GXYLT2: variants seen among roughly 807,000 people sequenced by gnomAD.
GXYLT2 encodes the protein glycosyltransferase 8 domain containing 4.
GXYLT2 carries 53 observed loss-of-function variants against 45.8 expected under a neutral mutation model. The ratio of observed to expected loss-of-function variants is 1.16; its 90% CI spans 0.93 to 1.46. GXYLT2 has a LOEUF of 1.46. Ranked by LOEUF, GXYLT2 falls within the 40% of genes most tolerant of loss-of-function variation. The pLI, the probability that GXYLT2 is intolerant of heterozygous loss-of-function variation, is 0.00. For synonymous variants in GXYLT2, 219 were observed against 214.2 expected (o/e 1.02, Z -0.19); for missense variants, 551 against 544.4 (o/e 1.01, Z -0.12).
intron 2 of GXYLT2, among the ~76,000 whole-genome samples, chr3:72,911,156 G>C (rs1234278908): frequency 1.3e-5 from 2 of 152,182 alleles, no homozygotes; most frequent in Non-Finnish European, 2.9e-5. Context: ...GCTGGGTGTA[G>C]TGGAGTGCGC....
At chr3:72,940,226 C>T (rs986073781) in intron 3 of GXYLT2, among the ~76,000 whole-genome samples, 1 of 152,138 alleles carries the variant, frequency 6.6e-6, no homozygotes, top group Non-Finnish European at 1.5e-5. Flanking sequence ...TTTACACATA[C>T]AACCATTTAT....
At chr3:72,938,089 C>T (rs576112792) in intron 3 of GXYLT2, among the ~76,000 whole-genome samples, 2 of 152,198 alleles carry the variant, frequency 1.3e-5, no homozygotes, top group African/African-American at 4.8e-5. Context: ...GAGATCCTCT[C>T]TACAAAAATT....
At chr3:72,907,849 C>A (rs1575781447) in intron 1 of GXYLT2, among the ~76,000 whole-genome samples, 2 of 152,256 alleles carry the variant, frequency 1.3e-5, no homozygotes, top group Middle Eastern at 3.4e-3. Flanking sequence ...TTGCTCACCT[C>A]CCAGACTTGC....
At position 72,908,474 on chromosome 3, in the gene GXYLT2, T is replaced by C. The variant is rs565928609; in HGVS notation, c.383T>C (p.Leu128Pro). The change falls in exon 2 of 7, where the codon CTC becomes CCC. Residue 128 changes from leucine (L) to proline (P), a missense_variant. Leu to Pro is a moderately conservative substitution (Grantham distance 98). Coordinates refer to ENST00000389617, the MANE Select transcript of GXYLT2 (RefSeq NM_001080393.2). ...GNRLEETLVM[L>P]KSAVLFSHRK... The stretch of plus-strand genomic sequence containing the variant: ...CGGCTGGAGGAGACGCTGGTCATGC[T>C]CAAATCAGCTGTGCTTTTTAGCCAC... 1.2e-6 allele frequency: 2 copies of C among 1,613,966 alleles called. No individual in the cohort carries two copies. The highest frequency in any genetic ancestry group is 1.1e-5 in the South Asian group (1 of 91,084).
At chr3:72,922,398 G>T in intron 3 of GXYLT2, 63 bp downstream of exon 3, 1 of 1,515,032 alleles carries the variant, frequency 6.6e-7, no homozygotes, top group South Asian at 1.2e-5. Context: ...AATTAGCTGA[G>T]ATGTGTGTAG....
At chr3:72,908,275 T>TTGAAATGTTC in intron 1 of GXYLT2, 92 bp from the exon 2 acceptor site, 1 of 820,478 alleles carries the variant, frequency 1.2e-6, no homozygotes, top group Non-Finnish European at 1.9e-6. Flanking sequence ...TGATCATGTT[T>TTGAAATGTTC]TGAAATGTTC....
chr3:72,958,450 CAT>C (rs776672300), intron 5 of GXYLT2, among the ~76,000 whole-genome samples: 1 of 151,830 alleles, frequency 6.6e-6, no homozygotes, highest in Non-Finnish European at 1.5e-5. Context: ...CCTTGGAACA[CAT>C]ATTGTGTACC....
Position 72,939,401 on chromosome 3 carries a change from C to T in GXYLT2, c.601-15697C>T, listed in dbSNP as rs184351710. On this transcript the variant is annotated intron_variant, in intron 3 of 6. Coordinates refer to ENST00000389617, the MANE Select transcript of GXYLT2 (RefSeq NM_001080393.2). ...AGTGAGCCGAGATCACACCACTGCA[C>T]TCCAGCCTGGGTGACAGAGCAAGAC... is the stretch of plus-strand genomic sequence containing the variant. Among the ~76,000 whole-genome samples the T allele has an allele frequency of 7.9e-5, 12 of 152,172 alleles. No individual in the cohort carries two copies. The East Asian group carries it at 1.7e-3, about 22-fold the overall frequency.
At chr3:72,941,633 A>C (rs1047470264) in intron 3 of GXYLT2, among the ~76,000 whole-genome samples, 3 of 152,128 alleles carry the variant, frequency 2.0e-5, no homozygotes, top group African/African-American at 7.2e-5. Context: ...CCTTTAACAA[A>C]TTATTTCTCA....
At chr3:72,929,074 G>C (rs1365500454) in intron 3 of GXYLT2, 2 of 1,588,992 alleles carry the variant, frequency 1.3e-6, no homozygotes, top group African/African-American at 1.3e-5. Context: ...AGGTGCGCCA[G>C]AGCTACCACC....
intron 1 of GXYLT2, among the ~76,000 whole-genome samples, chr3:72,895,191 T>C (rs1171341112): frequency 6.6e-6 from 1 of 151,702 alleles, no homozygotes; most frequent in Non-Finnish European, 1.5e-5. Context: ...AAAACCAAGA[T>C]GATATGGAGA....
intron 3 of GXYLT2, among the ~76,000 whole-genome samples, chr3:72,937,764 T>C (rs1387471247): frequency 6.6e-6 from 1 of 152,188 alleles, no homozygotes; most frequent in Non-Finnish European, 1.5e-5. Flanking sequence ...TCTTTAACTG[T>C]TAAATGGATA....
intron 1 of GXYLT2, among the ~76,000 whole-genome samples, chr3:72,899,923 G>A (rs751476754): frequency 6.6e-6 from 1 of 152,040 alleles, no homozygotes; most frequent in South Asian, 2.1e-4. Context: ...AAAACTAGTG[G>A]CCAACAGCAT....
At chr3:72,950,068 A>G (rs1184195148) in intron 3 of GXYLT2, among the ~76,000 whole-genome samples, 3 of 32,572 alleles carry the variant, frequency 9.2e-5, no homozygotes, top group Non-Finnish European at 1.7e-4. Context: ...CAGGCATGTA[A>G]TCCCAGCACT....
chr3:72,943,148 CAGAAATGATGGATGCTTCAAA>C (rs1457698033), intron 3 of GXYLT2, among the ~76,000 whole-genome samples: 1 of 152,044 alleles, frequency 6.6e-6, no homozygotes, highest in African/African-American at 2.4e-5. Context: ...ATGTGTGTTT[CAGAAATGATGGATGCTTCAAA>C]AAGGAAAAGG....
rs372329563 is a variant in GXYLT2, at chr3:72,948,782, C to T, written c.601-6316C>T. On this transcript the variant is annotated intron_variant, in intron 3 of 6. Transcript: ENST00000389617. ...AACCTGGGAGGTGGAGGTTGCAGTG[C>T]GCCAAGATCATGCCACTGCACTCCA... is the stretch of plus-strand genomic sequence containing the variant. Among the ~76,000 whole-genome samples, 76 of 147,576 alleles carry T rather than the reference C, an allele frequency of 5.1e-4. 1 individual carries two copies. Among genetic ancestry groups the T allele is most frequent in the African/African-American group, 1.5e-3 (61 of 39,862 alleles).
Position 72,955,121 on chromosome 3 carries a change from A to T in GXYLT2, c.624A>T (p.Ser208=). Residue 208 remains serine (S), a synonymous_variant, in exon 4 of 7, where the codon TCA becomes TCT. Transcript: ENST00000389617. ...FLPVILKDVD[S]LLYVDTDVLF... ...AGGTGATTTTAAAGGATGTGGACTC[A>T]CTTCTCTACGTGGACACCGATGTCC... The T allele has an allele frequency of 1.9e-6, 3 of 1,613,870 alleles. No homozygotes were observed. Among genetic ancestry groups the T allele is most frequent in the Non-Finnish European group, 2.5e-6 (3 of 1,179,870 alleles).
intron 3 of GXYLT2, among the ~76,000 whole-genome samples, chr3:72,922,851 G>A (rs1320761281): frequency 1.3e-5 from 2 of 152,164 alleles, no homozygotes; most frequent in Non-Finnish European, 2.9e-5. Context: ...CGGCATGGCG[G>A]CTCACACCTA....
intron 1 of GXYLT2, among the ~76,000 whole-genome samples, chr3:72,904,877 CA>C (rs774693806): frequency 0.062 from 1,892 of 30,640 alleles, 32 homozygotes; most frequent in African/African-American, 0.15. Flanking sequence ...ACTAAAGATA[CA>C]AAAAAAAAAA....
Sources: gnomAD v4.1 joint callset for allele counts (sites outside exome capture counted in the v4.1 genomes callset) on GRCh38, gnomAD v4.1.1 for gene constraint, MANE v1.5 for transcripts, NCBI Gene and HGNC (gene_info 2026-07-23, HGNC 2026-07-21) for gene names.